Variants in FHIT observed in about 807,000 individuals in gnomAD.
FHIT encodes bis(5'-adenosyl)-triphosphatase.
In FHIT, 19 loss-of-function variants were observed where a neutral mutation model predicts 17.9. The ratio of observed to expected loss-of-function variants is 1.06; its 90% CI spans 0.74 to 1.56. FHIT has a LOEUF of 1.56. Ranked by LOEUF, FHIT falls within the 40% of genes most tolerant of loss-of-function variation. The pLI is 0.00. For missense variants in FHIT, 248 were observed against 189.2 expected (o/e 1.31, Z -1.82); for synonymous variants, 81 against 69.7 (o/e 1.16, Z -0.81).
At chr3:61,122,602 T>G (rs943586074) in intron 2 of FHIT, among the ~76,000 whole-genome samples, 12 of 152,088 alleles carry the variant, frequency 7.9e-5, no homozygotes, top group Admixed American at 7.9e-4. Flanking sequence ...TTGCAATCTA[T>G]CCATCTGACA....
At chr3:61,214,830 C>T (rs551731126) in intron 1 of FHIT, among the ~76,000 whole-genome samples, 1 of 152,216 alleles carries the variant, frequency 6.6e-6, no homozygotes, top group Non-Finnish European at 1.5e-5. Context: ...GGCTTCATCC[C>T]TGGGATGCAA....
At chr3:60,341,036 T>A (rs1239417616) in intron 5 of FHIT, among the ~76,000 whole-genome samples, 2 of 152,080 alleles carry the variant, frequency 1.3e-5, no homozygotes, top group Non-Finnish European at 2.9e-5. Context: ...AGTATAGCAT[T>A]GGGGAATATG....
intron 5 of FHIT, among the ~76,000 whole-genome samples, chr3:60,281,860 A>G (rs999194971): frequency 3.9e-5 from 6 of 152,314 alleles, no homozygotes; most frequent in Non-Finnish European, 8.8e-5. Context: ...TTGCTCTACA[A>G]AAAATACTGT....
At chr3:60,406,403 G>A (rs866386034) in intron 5 of FHIT, among the ~76,000 whole-genome samples, 17 of 152,246 alleles carry the variant, frequency 1.1e-4, no homozygotes, top group South Asian at 4.2e-4. Context: ...CAAACAAGGC[G>A]TGGCTGAAAC....
intron 3 of FHIT, among the ~76,000 whole-genome samples, chr3:61,001,397 G>GA (rs1319775006): frequency 2.6e-5 from 4 of 152,144 alleles, no homozygotes; most frequent in Admixed American, 2.0e-4. Flanking sequence ...CCCAAGAAAT[G>GA]AAAATTATCC....
chr3:60,052,794 T>C (rs1168608873), intron 5 of FHIT, among the ~76,000 whole-genome samples: 1 of 148,326 alleles, frequency 6.7e-6, no homozygotes, highest in Non-Finnish European at 1.5e-5. Context: ...ATATAAATAG[T>C]ATATAAAATA....
At chr3:60,101,904 C>T (rs1704205975) in intron 5 of FHIT, among the ~76,000 whole-genome samples, 1 of 152,188 alleles carries the variant, frequency 6.6e-6, no homozygotes, top group African/African-American at 2.4e-5. Flanking sequence ...AAATTTTATA[C>T]CAGCTGTTGC....
At chr3:59,829,902 C>T (rs963100985) in intron 8 of FHIT, among the ~76,000 whole-genome samples, 1 of 151,910 alleles carries the variant, frequency 6.6e-6, no homozygotes, top group African/African-American at 2.4e-5. Context: ...GCCTGGGCAA[C>T]ATAGGGAGAC....
At chr3:61,053,090 G>T (rs1383097719) in intron 2 of FHIT, among the ~76,000 whole-genome samples, 1 of 152,122 alleles carries the variant, frequency 6.6e-6, no homozygotes. Context: ...AGGACTAGAA[G>T]CACCAGGTGC....
At chr3:60,345,544 A>G (rs768130681) in intron 5 of FHIT, among the ~76,000 whole-genome samples, 13 of 152,204 alleles carry the variant, frequency 8.5e-5, no homozygotes, top group Non-Finnish European at 1.9e-4. Context: ...CAGAAAACCA[A>G]TTGTAGACTA....
intron 4 of FHIT, among the ~76,000 whole-genome samples, 198 bp downstream of exon 4, chr3:60,821,721 C>T (rs577551335): frequency 6.6e-6 from 1 of 152,024 alleles, no homozygotes; most frequent in Non-Finnish European, 1.5e-5. Context: ...ATATTTATAC[C>T]CCAATTTTTA....
intron 1 of FHIT, among the ~76,000 whole-genome samples, chr3:61,224,357 A>G (rs1053226222): frequency 1.3e-5 from 2 of 152,182 alleles, no homozygotes; most frequent in Non-Finnish European, 2.9e-5. Context: ...ATTTGTTTTC[A>G]AGCTGTGGCT....
At chr3:59,863,414 G>C (rs1034582837) in intron 8 of FHIT, among the ~76,000 whole-genome samples, 5 of 152,220 alleles carry the variant, frequency 3.3e-5, no homozygotes, top group Non-Finnish European at 5.9e-5. Context: ...TGCATAAGAA[G>C]AAACAACGCC....
rs17062068 is a variant in FHIT at position 60,071,014 on chromosome 3, G to A, written c.104-56862C>T. 1.9e-3 allele frequency among the ~76,000 whole-genome samples: 291 copies of A among 152,242 alleles called. 3 individuals carry two copies. Among genetic ancestry groups the A allele is most frequent in the African/African-American group, 6.1e-3 (253 of 41,540 alleles). On this transcript the variant is annotated intron_variant, in intron 5 of 9. Transcript: ENST00000492590. ...TTTAGAAGAGAAATCTCTGTCAAAG[G>A]TCACATAAACTTTACCGTAGTCAGC...
At chr3:59,864,834 A>AG (rs1319411529) in intron 8 of FHIT, among the ~76,000 whole-genome samples, 1,068 of 95,138 alleles carry the variant, frequency 0.011, 7 homozygotes, top group Admixed American at 0.019. Flanking sequence ...GAGAGAGAGA[A>AG]AAAAAAAAAA....
intron 4 of FHIT, among the ~76,000 whole-genome samples, chr3:60,664,076 A>T (rs2040325390): frequency 6.6e-6 from 1 of 152,174 alleles, no homozygotes; most frequent in African/African-American, 2.4e-5. Context: ...CCTTGTTTCT[A>T]ATCTCAGGGA....
chr3:60,002,960 G>T (rs1699784615), intron 7 of FHIT, among the ~76,000 whole-genome samples: 1 of 152,066 alleles, frequency 6.6e-6, no homozygotes, highest in African/African-American at 2.4e-5. Flanking sequence ...TACTTCATGG[G>T]CCCCACCCTC....
At chr3:60,565,858 G>A (rs1278184369) in intron 4 of FHIT, among the ~76,000 whole-genome samples, 2 of 152,012 alleles carry the variant, frequency 1.3e-5, no homozygotes, top group Non-Finnish European at 2.9e-5. Context: ...ATGTTAGGGT[G>A]TCAATTTTAG....
At chr3:60,921,854 C>G (rs539189545) in intron 3 of FHIT, among the ~76,000 whole-genome samples, 1 of 152,356 alleles carries the variant, frequency 6.6e-6, no homozygotes, top group South Asian at 2.1e-4. Flanking sequence ...CCAACACTAT[C>G]TTTTCCAACT....
Sources: gnomAD v4.1 joint callset for allele counts (sites outside exome capture counted in the v4.1 genomes callset) on GRCh38, gnomAD v4.1.1 for gene constraint, MANE v1.5 for transcripts, NCBI Gene and HGNC (gene_info 2026-07-23, HGNC 2026-07-21) for gene names.